MEI1: variants seen among roughly 807,000 people sequenced by gnomAD.
The protein encoded by MEI1 is meiotic double-stranded break formation protein 1.
MEI1 carries 103 observed loss-of-function variants against 146.2 expected under a neutral mutation model. That is an observed-to-expected ratio of 0.70 (90% confidence interval 0.60 to 0.83). The LOEUF (loss-of-function observed/expected upper bound fraction) is 0.83. Among genes scored for constraint, MEI1 ranks in the 40% least tolerant of loss-of-function variants. MEI1 has a pLI of 0.00. For synonymous variants in MEI1, 652 were observed against 628.2 expected, an observed-to-expected ratio of 1.04 and a Z score of -0.57; for missense variants, 1,529 against 1,533.0, an observed-to-expected ratio of 1.00 and a Z score of 0.04.
At chr22:41,788,463 C>T (rs1327542684) in intron 26 of MEI1, among the ~76,000 whole-genome samples, 2 of 147,432 alleles carry the variant, frequency 1.4e-5, no homozygotes, top group Admixed American at 1.3e-4. Context: ...TTTTTTGAGA[C>T]ATAGTCTTGC....
chr22:41,768,900 A>G (rs1446409399), intron 19 of MEI1, among the ~76,000 whole-genome samples: 1 of 152,206 alleles, frequency 6.6e-6, no homozygotes. Flanking sequence ...ATTTCAAAAC[A>G]TTACTGTTTT....
In MEI1 at chr22:41,730,176, AT is replaced by A. The variant is rs2071731797; in HGVS notation, c.980-344del. Among the ~76,000 whole-genome samples, 4 of 152,290 alleles carry A rather than the reference AT, an allele frequency of 2.6e-5. No individual in the cohort carries two copies. In the South Asian group the frequency reaches 6.2e-4, roughly 24 times the overall value. ...AGGCCTAGTCATTGGCAGAGATGGG[AT>A]AAAAAGTCAAGTCTCTCTGACTCTA... is the stretch of plus-strand genomic sequence containing the variant. On this transcript the variant is annotated intron_variant, in intron 8 of 30. Transcript: ENST00000401548.
chr22:41,766,086 T>A (rs1005256939), intron 19 of MEI1, among the ~76,000 whole-genome samples: 2 of 151,676 alleles, frequency 1.3e-5, no homozygotes, highest in Non-Finnish European at 2.9e-5. Context: ...AGAGACGGGG[T>A]TTCACCGTAT....
intron 7 of MEI1, among the ~76,000 whole-genome samples, chr22:41,724,307 CA>C (rs2071121657): frequency 6.6e-6 from 1 of 152,042 alleles, no homozygotes; most frequent in Non-Finnish European, 1.5e-5. Flanking sequence ...GGCAATATGG[CA>C]AAACCCTGTC....
intron 18 of MEI1, among the ~76,000 whole-genome samples, chr22:41,761,593 C>A (rs951537870): frequency 1.3e-5 from 2 of 151,716 alleles, no homozygotes; most frequent in South Asian, 2.1e-4. Flanking sequence ...GGATTACAGG[C>A]GTGAGCCACT....
At chr22:41,732,219 G>C (rs759878146) in intron 9 of MEI1, 26 bp from the exon 10 acceptor site, 8 of 1,563,152 alleles carry the variant, frequency 5.1e-6, no homozygotes, top group Non-Finnish European at 1.7e-6. Context: ...CTGATCCCTG[G>C]CCTCTGTCAT....
rs917847662 is a variant in MEI1, at chr22:41,749,051, G to A, written c.1792+833G>A. Among the ~76,000 whole-genome samples the A allele has an allele frequency of 1.2e-4, 18 of 152,158 alleles. 1 individual carries two copies. The highest frequency in any genetic ancestry group is 3.4e-3 in the Middle Eastern group (1 of 294). On this transcript the variant is annotated intron_variant, in intron 15 of 30. Transcript: ENST00000401548. ...GATCTCCTGACCTCGTGATCTGCCCGCCTCGGCCTCCCAAAGTGCTGGGAT... is the reference window on the plus strand; with the variant it reads ...GATCTCCTGACCTCGTGATCTGCCCACCTCGGCCTCCCAAAGTGCTGGGAT...
chr22:41,762,403 C>G (rs2074551685), intron 18 of MEI1, among the ~76,000 whole-genome samples: 1 of 149,728 alleles, frequency 6.7e-6, no homozygotes, highest in Admixed American at 6.8e-5. Flanking sequence ...CCTTTTGTAT[C>G]TTGCTCTCTT....
intron 3 of MEI1, 46 bp from the exon 4 acceptor site, chr22:41,713,954 CTG>C (rs1183507558): frequency 8.0e-6 from 12 of 1,508,252 alleles, no homozygotes; most frequent in South Asian, 2.4e-5. Flanking sequence ...AAGGTGGACT[CTG>C]GGTTGGGGGT....
chr22:41,789,386 C>T (rs1214538529), intron 26 of MEI1, among the ~76,000 whole-genome samples: 1 of 152,018 alleles, frequency 6.6e-6, no homozygotes, highest in South Asian at 2.1e-4. Context: ...CTGGTCTTGA[C>T]CTCCTGGGCT....
chr22:41,748,070 C>T (rs763319566), intron 14 of MEI1, 37 bp from the exon 15 acceptor site: 4 of 1,424,908 alleles, frequency 2.8e-6, no homozygotes, highest in Admixed American at 1.7e-5. Context: ...GAGGCTCAGT[C>T]CCCGTGGGCT....
intron 9 of MEI1, 79 bp from the exon 10 acceptor site, chr22:41,732,166 C>A: frequency 1.8e-6 from 2 of 1,141,748 alleles, no homozygotes; most frequent in South Asian, 1.4e-5. Flanking sequence ...CTGTCCAGAG[C>A]CTGTCACCTC....
At chr22:41,780,140 G>T (rs767039859) in intron 22 of MEI1, among the ~76,000 whole-genome samples, 1 of 152,226 alleles carries the variant, frequency 6.6e-6, no homozygotes, top group Non-Finnish European at 1.5e-5. Flanking sequence ...AGGGGGATCT[G>T]TGTGTGACAA....
In MEI1 at chr22:41,732,617, G is replaced by A. The variant is rs372397770; in HGVS notation, c.1331+14G>A. 14 of 1,610,194 alleles carry A rather than the reference G, an allele frequency of 8.7e-6. No individual in the cohort carries two copies. Among genetic ancestry groups the A allele is most frequent in the Non-Finnish European group, 1.1e-5 (13 of 1,178,624 alleles). On this transcript the variant is annotated intron_variant, in intron 11 of 30. Coordinates refer to ENST00000401548, the MANE Select transcript of MEI1 (RefSeq NM_152513.4). The stretch of plus-strand genomic sequence containing the variant: ...TGCTTTTCTGAGGTGAGAGACCCAG[G>A]CAGGCTGAACTTTCCATCCCTGCAT...
chr22:41,765,072 T>C (rs1420717605), intron 19 of MEI1, among the ~76,000 whole-genome samples: 2 of 152,206 alleles, frequency 1.3e-5, no homozygotes, highest in Non-Finnish European at 2.9e-5. Context: ...TGGCGCCATC[T>C]TGGCTCACTG....
intron 5 of MEI1, among the ~76,000 whole-genome samples, chr22:41,717,066 A>G (rs1442180851): frequency 6.7e-6 from 1 of 149,204 alleles, no homozygotes; most frequent in Non-Finnish European, 1.5e-5. Context: ...ATTCTGGAAT[A>G]TAGAAGCACT....
intron 17 of MEI1, among the ~76,000 whole-genome samples, chr22:41,755,943 C>T (rs61011022): frequency 0.082 from 12,477 of 151,824 alleles, 1,201 homozygotes; most frequent in African/African-American, 0.24. Flanking sequence ...CAACTGAGGT[C>T]CTGTCTTTCA....
intron 11 of MEI1, among the ~76,000 whole-genome samples, chr22:41,736,914 A>G (rs1263695807): frequency 6.6e-6 from 1 of 152,178 alleles, no homozygotes; most frequent in Non-Finnish European, 1.5e-5. Context: ...GCTTTATTCC[A>G]GAACCTTCAA....
intron 24 of MEI1, 145 bp downstream of exon 24, chr22:41,781,990 T>G (rs980542173): frequency 1.2e-6 from 1 of 863,454 alleles, no homozygotes; most frequent in African/African-American, 1.7e-5. Flanking sequence ...CAGTTTCCTT[T>G]CCTACAAAAT....
Sources: allele counts gnomAD v4.1 joint callset (sites outside exome capture counted in the v4.1 genomes callset), GRCh38; gene constraint gnomAD v4.1.1; transcripts MANE v1.5; gene names NCBI Gene and HGNC (gene_info 2026-07-23, HGNC 2026-07-21).